PLAGL1: variants seen among roughly 807,000 people sequenced by gnomAD.
The protein encoded by PLAGL1 is zinc finger protein PLAGL1.
A neutral mutation model predicts 4.6 loss-of-function variants in PLAGL1; 1 was observed. The observed-to-expected ratio is 0.22, with a 90% CI of 0.08 to 1.03. PLAGL1 has a LOEUF of 1.03. Ranked by LOEUF, PLAGL1 falls within the 50% of genes least tolerant of loss-of-function variation. PLAGL1 has a pLI of 0.58. For missense variants in PLAGL1, 464 were observed against 570.4 expected (o/e 0.81, Z 1.90); for synonymous variants, 240 against 237.8 (o/e 1.01, Z -0.08).
chr6:143,958,711 C>T lies in PLAGL1; in HGVS notation c.-325+1758G>A, dbSNP rs552232080. On this transcript the variant is annotated intron_variant, in intron 6 of 7. Coordinates refer to ENST00000674357, the MANE Select transcript of PLAGL1 (RefSeq NM_001317162.2). The surrounding 1 kb of genome is among the most constrained non-coding windows in gnomAD (Gnocchi z 5.1). ...CTGGTCCTTTAAGATTATCCTGATT[C>T]TTGATTTTTTCTTTTTAAACTGATT... Among the ~76,000 whole-genome samples, 252 of 152,214 alleles carry T rather than the reference C, an allele frequency of 1.7e-3. 1 individual carries two copies. The highest frequency in any genetic ancestry group is 5.9e-3 in the African/African-American group (245 of 41,522).
At position 144,053,342 on chromosome 6, in the gene PLAGL1, C is replaced by A. The variant is rs1158560395; in HGVS notation, c.-151+11126G>T. ...TGGAGACAGGGTTTCACCATGTTAG[C>A]CAGGCTGGTCTGAAACTCCTGACCT... On this transcript the variant is annotated intron_variant, in intron 1 of 3. Transcript: ENST00000437412. The surrounding 1 kb of genome is among the most constrained non-coding windows in gnomAD (Gnocchi z 4.0). 6.6e-6 allele frequency among the ~76,000 whole-genome samples: 1 copy of A among 152,164 alleles called. No homozygotes were observed. Among genetic ancestry groups the A allele is most frequent in the Non-Finnish European group, 1.5e-5 (1 of 68,034 alleles).
At chr6:144,041,980 T>G (rs1239773295) in intron 1 of PLAGL1, among the ~76,000 whole-genome samples, 1 of 152,168 alleles carries the variant, frequency 6.6e-6, no homozygotes, top group Admixed American at 6.5e-5. Flanking sequence ...ATAAATGTCT[T>G]CTTTTGAGAA....
chr6:143,992,793 C>A (rs1420474139), intron 1 of PLAGL1, among the ~76,000 whole-genome samples: 1 of 152,074 alleles, frequency 6.6e-6, no homozygotes, highest in East Asian at 1.9e-4. Flanking sequence ...GCCTGGCCAA[C>A]ATGGTGAAAC....
intron 1 of PLAGL1, among the ~76,000 whole-genome samples, chr6:144,002,573 G>A (rs538231355): frequency 1.3e-5 from 2 of 151,934 alleles, no homozygotes; most frequent in South Asian, 4.2e-4. Context: ...AGTGAATTTA[G>A]CAAGCGCACA....
At chr6:143,977,446 TTTTA>T (rs1219007073) in intron 2 of PLAGL1, among the ~76,000 whole-genome samples, 1 of 149,526 alleles carries the variant, frequency 6.7e-6, no homozygotes, top group African/African-American at 2.4e-5. Context: ...CTTCTTTTTT[TTTTA>T]TTTTTTTCTT....
chr6:144,060,100 T>C (rs58989946), intron 1 of PLAGL1, among the ~76,000 whole-genome samples: 10 of 151,966 alleles, frequency 6.6e-5, no homozygotes, highest in African/African-American at 2.2e-4. Context: ...CAGGCTGAAG[T>C]GCAGTGGTGT....
rs148654623 is a variant in PLAGL1 at position 143,963,494 on chromosome 6, T to C, written c.-399+1293A>G. Among the ~76,000 whole-genome samples, 1 of 152,306 alleles carries C rather than the reference T, an allele frequency of 6.6e-6. No homozygotes were observed. The highest frequency in any genetic ancestry group is 1.5e-5 in the Non-Finnish European group (1 of 68,022). The stretch of plus-strand genomic sequence containing the variant: ...GGTGATGGCTACTGTTTTAAGAACT[T>C]TACCTAATACCTTCAACAACCGCAT... On this transcript the variant is annotated intron_variant, in intron 5 of 7. Transcript: ENST00000674357. The surrounding 1 kb of genome is among the most constrained non-coding windows in gnomAD (Gnocchi z 6.1).
At chr6:144,037,403 C>T (rs1436755181) in intron 1 of PLAGL1, 1 of 141,768 alleles carries the variant, frequency 7.1e-6, no homozygotes, top group East Asian at 2.0e-4. Flanking sequence ...CACGGTGAAG[C>T]CCCATCTCTA....
chr6:144,057,086 C>T (rs1294854099), intron 1 of PLAGL1, among the ~76,000 whole-genome samples: 1 of 152,198 alleles, frequency 6.6e-6, no homozygotes, highest in African/African-American at 2.4e-5. Flanking sequence ...CATCCTCATA[C>T]TGGTCTTGGT....
rs1792666453 is a variant in PLAGL1 at position 144,000,714 on chromosome 6, A to G, written c.-584+7376T>C. Among the ~76,000 whole-genome samples, 2 of 152,178 alleles carry G rather than the reference A, an allele frequency of 1.3e-5. No homozygotes were observed. Among genetic ancestry groups the G allele is most frequent in the African/African-American group, 4.8e-5 (2 of 41,466 alleles). The stretch of plus-strand genomic sequence containing the variant: ...CCAAACAATTCAGCAGAAAAACAAA[A>G]GAAGGCTTCTGCTCTATGACATATC... On this transcript the variant is annotated intron_variant, in intron 1 of 7. Transcript: ENST00000674357. The surrounding 1 kb of genome is among the most constrained non-coding windows in gnomAD (Gnocchi z 4.1).
intron 6 of PLAGL1, among the ~76,000 whole-genome samples, chr6:143,956,157 T>TA (rs1782077957): frequency 6.6e-6 from 1 of 152,202 alleles, no homozygotes; most frequent in Non-Finnish European, 1.5e-5. Flanking sequence ...GGTGGCCTCA[T>TA]ATCCTGTCAG....
At chr6:144,044,509 G>C (rs1797977360) in intron 1 of PLAGL1, among the ~76,000 whole-genome samples, 2 of 152,164 alleles carry the variant, frequency 1.3e-5, no homozygotes, top group African/African-American at 4.8e-5. Flanking sequence ...TCTTAATCCT[G>C]AGTTCTAATT....
At chr6:143,999,795 ACT>A (rs933128291) in intron 1 of PLAGL1, among the ~76,000 whole-genome samples, 3 of 152,240 alleles carry the variant, frequency 2.0e-5, no homozygotes, top group African/African-American at 7.2e-5. Flanking sequence ...TAATTAATTT[ACT>A]TATTATGATA....
In PLAGL1 at chr6:143,968,207, A is replaced by G. The variant is rs1302045262; in HGVS notation, c.-472+700T>C. On this transcript the variant is annotated intron_variant, in intron 3 of 7. Coordinates refer to ENST00000674357, the MANE Select transcript of PLAGL1 (RefSeq NM_001317162.2). The surrounding 1 kb of genome is among the most constrained non-coding windows in gnomAD (Gnocchi z 6.3). ...ATCATTATCTTGAAATAGGCAGTTC[A>G]AACAAATCCTAATCTTTACATGAGT... 6.6e-6 allele frequency: 1 copy of G among 152,220 alleles called. No homozygotes were observed. Among genetic ancestry groups the G allele is most frequent in the Non-Finnish European group, 1.5e-5 (1 of 68,038 alleles). The allele number at this position is 152,220 out of a possible 1,614,324, so 9.4% of individuals were successfully genotyped here.
At position 144,053,913 on chromosome 6, in the gene PLAGL1, A is replaced by T. The variant is rs1440972360; in HGVS notation, c.-151+10555T>A. 6.6e-6 allele frequency among the ~76,000 whole-genome samples: 1 copy of T among 152,218 alleles called. No homozygotes were observed. The highest frequency in any genetic ancestry group is 2.4e-5 in the African/African-American group (1 of 41,458). Reference sequence around the variant, plus strand: ...AGGAAAGTCTTTGATTATATTAATTATCACATGAATCCTGTCAAAGTACAT... The same window carrying T: ...AGGAAAGTCTTTGATTATATTAATTTTCACATGAATCCTGTCAAAGTACAT... On this transcript the variant is annotated intron_variant, in intron 1 of 3. Coordinates refer to the PLAGL1 transcript ENST00000437412. This position sits in a 1 kb window ranked among gnomAD's most constrained non-coding sequence, Gnocchi z 4.0.
chr6:143,968,033 G>A lies in PLAGL1; in HGVS notation c.-472+874C>T, dbSNP rs1784774009. 1 of 148,478 alleles carries A rather than the reference G, an allele frequency of 6.7e-6. No homozygotes were observed. The highest frequency in any genetic ancestry group is 1.5e-5 in the Non-Finnish European group (1 of 67,510). 9.2% of individuals were successfully genotyped at this position (148,478 alleles called of 1,614,324 possible). A position where few individuals can be genotyped will look rare whatever the true frequency, so the allele number is the denominator to read the frequency against. ...AAAAAAAAAAACAGTCTGGAGAGAG[G>A]CCAAGAGTTATGGTTAAGCAACAGC... On this transcript the variant is annotated intron_variant, in intron 3 of 7. Transcript: ENST00000674357. This position sits in a 1 kb window ranked among gnomAD's most constrained non-coding sequence, Gnocchi z 6.3.
chr6:143,952,970 C>A lies in PLAGL1; in HGVS notation c.-324-4510G>T, dbSNP rs1166433557. Among the ~76,000 whole-genome samples, 2 of 152,220 alleles carry A rather than the reference C, an allele frequency of 1.3e-5. No homozygotes were observed. The highest frequency in any genetic ancestry group is 4.8e-5 in the African/African-American group (2 of 41,468). ...CAGAACCTCCAGGTAGTCATGGCTGCCATGGCTGCAGACCTCACTCCCATC... is the reference window on the plus strand; with the variant it reads ...CAGAACCTCCAGGTAGTCATGGCTGACATGGCTGCAGACCTCACTCCCATC... On this transcript the variant is annotated intron_variant, in intron 6 of 7. Transcript: ENST00000674357. The surrounding 1 kb of genome is among the most constrained non-coding windows in gnomAD (Gnocchi z 6.1).
At chr6:143,988,560 T>G (rs781582847) in intron 1 of PLAGL1, among the ~76,000 whole-genome samples, 2 of 152,346 alleles carry the variant, frequency 1.3e-5, no homozygotes, top group African/African-American at 4.8e-5. Context: ...TATCCTTTAT[T>G]GTTTTACATG....
chr6:144,013,634 A>T lies in PLAGL1; in HGVS notation c.-150-44656T>A, dbSNP rs12528481. On this transcript the variant is annotated intron_variant, in intron 1 of 3. Transcript: ENST00000437412. The surrounding 1 kb of genome is among the most constrained non-coding windows in gnomAD (Gnocchi z 4.4). ...CTCTAGTGGAGATTCCTTCCTCACAACTTCCAGCTTTTGGTGACCACTGCC... is the reference window on the plus strand; with the variant it reads ...CTCTAGTGGAGATTCCTTCCTCACATCTTCCAGCTTTTGGTGACCACTGCC... Among the ~76,000 whole-genome samples the T allele has an allele frequency of 0.24, 36,730 of 152,168 alleles. 4,634 individuals are homozygous for T. The highest frequency in any genetic ancestry group is 0.35 in the Admixed American group (5,327 of 15,288).
Sources: allele counts gnomAD v4.1 joint callset (sites outside exome capture counted in the v4.1 genomes callset), GRCh38; gene constraint gnomAD v4.1.1; non-coding constraint Gnocchi (gnomAD v3.1); transcripts MANE v1.5; gene names NCBI Gene and HGNC (gene_info 2026-07-23, HGNC 2026-07-21).